The following LRRC8B variants were observed in gnomAD, a reference collection of about 807,000 sequenced individuals.
LRRC8B encodes volume-regulated anion channel subunit LRRC8B.
Under a neutral mutation model 58.8 loss-of-function variants are expected in LRRC8B, and 23 were observed. The observed-to-expected ratio is 0.39, with a 90% CI of 0.28 to 0.55. LRRC8B has a LOEUF of 0.55. Ranked by LOEUF, LRRC8B falls within the 20% of genes least tolerant of loss-of-function variation. LRRC8B has a pLI of 0.62. For missense variants in LRRC8B, 694 were observed against 936.0 expected (o/e 0.74, Z 3.37); for synonymous variants, 359 against 374.1 (o/e 0.96, Z 0.47).
intron 5 of LRRC8B, among the ~76,000 whole-genome samples, chr1:89,591,584 TAGAG>T (rs1405058428): frequency 6.6e-6 from 1 of 152,186 alleles, no homozygotes; most frequent in Admixed American, 6.5e-5. Context: ...GAACGTGTGT[TAGAG>T]GGAGGGGTGA....
intron 3 of LRRC8B, among the ~76,000 whole-genome samples, chr1:89,569,195 A>T (rs1200449760): frequency 6.6e-6 from 1 of 152,170 alleles, no homozygotes; most frequent in Non-Finnish European, 1.5e-5. Context: ...TCTGTCACCT[A>T]CTACATTCTA....
intron 1 of LRRC8B, among the ~76,000 whole-genome samples, chr1:89,561,896 T>G (rs1038523106): frequency 6.6e-6 from 1 of 152,140 alleles, no homozygotes; most frequent in Non-Finnish European, 1.5e-5. Flanking sequence ...CATATGAACT[T>G]TATCTTTTAA....
chr1:89,564,973 G>A (rs1490450949), intron 1 of LRRC8B, among the ~76,000 whole-genome samples: 1 of 152,192 alleles, frequency 6.6e-6, no homozygotes, highest in African/African-American at 2.4e-5. Context: ...GTGTGTTATA[G>A]CAGATGTAGC....
intron 5 of LRRC8B, chr1:89,587,844 T>C (rs1323931311): frequency 6.6e-6 from 1 of 152,280 alleles, no homozygotes; most frequent in Non-Finnish European, 1.5e-5. Flanking sequence ...CAGTGAGGAC[T>C]GTAGCCAGAA....
At chr1:89,548,449 T>C (rs72712512) in intron 1 of LRRC8B, among the ~76,000 whole-genome samples, 1,880 of 152,320 alleles carry the variant, frequency 0.012, 18 homozygotes, top group Non-Finnish European at 0.019. Flanking sequence ...GGTTTTATAA[T>C]GAGGACAGAG....
At chr1:89,591,572 CTG>C in intron 5 of LRRC8B, among the ~76,000 whole-genome samples, 1 of 152,264 alleles carries the variant, frequency 6.6e-6, no homozygotes, top group Admixed American at 6.5e-5. Context: ...ATATACAGCA[CTG>C]AACGTGTGTT....
At chr1:89,556,046 C>G (rs962284337) in intron 1 of LRRC8B, among the ~76,000 whole-genome samples, 1 of 152,188 alleles carries the variant, frequency 6.6e-6, no homozygotes, top group Non-Finnish European at 1.5e-5. Context: ...ACCAGAGGAT[C>G]TAACCATGTG....
At chr1:89,525,871 CA>C (rs1024481271) in intron 1 of LRRC8B, among the ~76,000 whole-genome samples, 1 of 151,530 alleles carries the variant, frequency 6.6e-6, no homozygotes, top group Non-Finnish European at 1.5e-5. Flanking sequence ...AACAAACAAA[CA>C]AAAAAACACT....
At chr1:89,568,697 C>T (rs1653211965) in intron 3 of LRRC8B, among the ~76,000 whole-genome samples, 1 of 152,104 alleles carries the variant, frequency 6.6e-6, no homozygotes, top group Non-Finnish European at 1.5e-5. Flanking sequence ...AAAATGTCAT[C>T]TTCCTACTTT....
rs1655308013 is a variant in LRRC8B, at chr1:89,596,437, GA to G, written c.*3395del. ...TAGGTGTGCTGTGGTGCACTGCAGT[GA>G]TGTATTTGCATAACATTGTTTGATA... On this transcript the variant is annotated 3_prime_UTR_variant, in exon 6 of 6. Coordinates refer to ENST00000330947, the MANE Select transcript of LRRC8B (RefSeq NM_001369817.2). 1 of 152,080 alleles carries G rather than the reference GA, an allele frequency of 6.6e-6. No homozygotes were observed. The highest frequency in any genetic ancestry group is 1.5e-5 in the Non-Finnish European group (1 of 67,976). 9.4% of individuals were successfully genotyped at this position (152,080 alleles called of 1,614,324 possible).
At chr1:89,566,622 A>G (rs1175840150) in intron 1 of LRRC8B, among the ~76,000 whole-genome samples, 1 of 152,210 alleles carries the variant, frequency 6.6e-6, no homozygotes, top group Non-Finnish European at 1.5e-5. Context: ...TACAAGACAA[A>G]TATACCCAAA....
Position 89,595,380 on chromosome 1 carries a change from T to A in LRRC8B, c.*2337T>A, listed in dbSNP as rs556861977. ...TGTGATTAAGTTTTGGACATGAATA[T>A]GCCAAAAGTGCTTAAATGTTTTTGG... is the stretch of plus-strand genomic sequence containing the variant. On this transcript the variant is annotated 3_prime_UTR_variant, in exon 6 of 6. Coordinates refer to ENST00000330947, the MANE Select transcript of LRRC8B (RefSeq NM_001369817.2). 1 of 152,258 alleles carries A rather than the reference T, an allele frequency of 6.6e-6. No homozygotes were observed. The highest frequency in any genetic ancestry group is 2.4e-5 in the African/African-American group (1 of 41,578). 9.4% of individuals were successfully genotyped at this position (152,258 alleles called of 1,614,324 possible). A position where few individuals can be genotyped will look rare whatever the true frequency, so the allele number is the denominator to read the frequency against.
At chr1:89,559,946 C>G (rs1344342188) in intron 1 of LRRC8B, among the ~76,000 whole-genome samples, 1 of 152,114 alleles carries the variant, frequency 6.6e-6, no homozygotes, top group Non-Finnish European at 1.5e-5. Context: ...TTTTAAACCC[C>G]TTCTCAATCC....
At position 89,583,211 on chromosome 1, in the gene LRRC8B, G is replaced by A. The variant is rs745760253; in HGVS notation, c.561G>A (p.Lys187=). Residue 187 remains lysine (K), a synonymous_variant, in exon 5 of 6, where the codon AAG becomes AAA. Coordinates refer to ENST00000330947, the MANE Select transcript of LRRC8B (RefSeq NM_001369817.2). The surrounding 1 kb of genome is among the most constrained non-coding windows in gnomAD (Gnocchi z 5.2). Reference sequence around the variant, plus strand: ...GGCCTCTGAAACTCTCCAAGTCCAAGATTTTGCTTTCGTCCTCAGGGTGTT... The same window carrying A: ...GGCCTCTGAAACTCTCCAAGTCCAAAATTTTGCTTTCGTCCTCAGGGTGTT... ...SVRPLKLSKS[K]ILLSSSGCSA... is the part of the protein sequence containing the mutation. 9.9e-6 allele frequency: 16 copies of A among 1,614,034 alleles called. No individual in the cohort carries two copies. The highest frequency in any genetic ancestry group is 1.3e-5 in the African/African-American group (1 of 74,898).
At chr1:89,538,127 C>G (rs1570562640) in intron 1 of LRRC8B, among the ~76,000 whole-genome samples, 1 of 152,178 alleles carries the variant, frequency 6.6e-6, no homozygotes, top group Non-Finnish European at 1.5e-5. Context: ...GAACATACCA[C>G]TCTTTTGGAC....
intron 3 of LRRC8B, among the ~76,000 whole-genome samples, chr1:89,569,093 T>C (rs1296146033): frequency 6.6e-6 from 1 of 152,182 alleles, no homozygotes; most frequent in Non-Finnish European, 1.5e-5. Context: ...CTGTATTAAA[T>C]AGCACAACTC....
At chr1:89,560,430 C>T (rs1206394949) in intron 1 of LRRC8B, among the ~76,000 whole-genome samples, 1 of 150,788 alleles carries the variant, frequency 6.6e-6, no homozygotes, top group African/African-American at 2.4e-5. Context: ...TAAATGTGCA[C>T]ATTGTGCAGG....
intron 1 of LRRC8B, among the ~76,000 whole-genome samples, chr1:89,546,863 G>A (rs575391506): frequency 6.6e-6 from 1 of 151,966 alleles, no homozygotes; most frequent in African/African-American, 2.4e-5. Flanking sequence ...ATAATATTAA[G>A]GAATTGTTAA....
intron 1 of LRRC8B, among the ~76,000 whole-genome samples, chr1:89,559,923 C>A (rs1298431676): frequency 1.3e-5 from 2 of 152,114 alleles, no homozygotes; most frequent in Non-Finnish European, 2.9e-5. Flanking sequence ...ATTGTTTTTC[C>A]TGGTGTTCTA....
Sources: allele counts gnomAD v4.1 joint callset (sites outside exome capture counted in the v4.1 genomes callset), GRCh38; gene constraint gnomAD v4.1.1; non-coding constraint Gnocchi (gnomAD v3.1); transcripts MANE v1.5; gene names NCBI Gene and HGNC (gene_info 2026-07-23, HGNC 2026-07-21).